PLA2G4C: variants seen among roughly 807,000 people sequenced by gnomAD.
PLA2G4C encodes the protein phospholipase A2 group IVC.
PLA2G4C carries 64 observed loss-of-function variants against 73.8 expected under a neutral mutation model. The ratio of observed to expected loss-of-function variants is 0.87; its 90% CI spans 0.71 to 1.07. The LOEUF is 1.07. PLA2G4C is among the 50% of genes least tolerant of loss of function. The pLI is 0.00. For synonymous variants in PLA2G4C, 254 were observed against 252.1 expected, an observed-to-expected ratio of 1.01 and a Z score of -0.07; for missense variants, 622 against 665.4, an observed-to-expected ratio of 0.93 and a Z score of 0.72.
At chr19:48,109,861 G>T (rs1217165383) in intron 1 of PLA2G4C, among the ~76,000 whole-genome samples, 1 of 151,396 alleles carries the variant, frequency 6.6e-6, no homozygotes, top group Non-Finnish European at 1.5e-5. Flanking sequence ...GTGTTAGCCA[G>T]GATGATCTCG....
At chr19:48,060,564 C>G (rs557636318) in intron 14 of PLA2G4C, among the ~76,000 whole-genome samples, 1 of 152,272 alleles carries the variant, frequency 6.6e-6, no homozygotes, top group Admixed American at 6.5e-5. Context: ...CTCCTGCGAG[C>G]CAGATGATGT....
chr19:48,054,475 T>TA (rs1347824746), intron 15 of PLA2G4C, among the ~76,000 whole-genome samples: 3 of 150,238 alleles, frequency 2.0e-5, no homozygotes, highest in Admixed American at 6.6e-5. Flanking sequence ...AGCAATTTAT[T>TA]TTTTTTTGTT....
chr19:48,103,829 C>T (rs963847953), intron 4 of PLA2G4C, among the ~76,000 whole-genome samples: 20 of 152,204 alleles, frequency 1.3e-4, no homozygotes, highest in African/African-American at 4.8e-4. Context: ...CTTTGTGTAG[C>T]AAAGAAAGAT....
At chr19:48,106,441 C>T (rs2032241427) in intron 2 of PLA2G4C, 81 bp downstream of exon 2, 3 of 1,067,812 alleles carry the variant, frequency 2.8e-6, no homozygotes, top group Non-Finnish European at 4.4e-6. Flanking sequence ...CTGTCACAGC[C>T]CTCACCTCTT....
At chr19:48,055,387 C>T (rs1417168375) in intron 14 of PLA2G4C, among the ~76,000 whole-genome samples, 1 of 96,118 alleles carries the variant, frequency 1.0e-5, no homozygotes, top group African/African-American at 5.0e-5. Flanking sequence ...CTCATCTCTA[C>T]AGTATATATA....
chr19:48,108,475 T>C (rs904693959), intron 1 of PLA2G4C, among the ~76,000 whole-genome samples: 22 of 152,166 alleles, frequency 1.4e-4, no homozygotes, highest in Non-Finnish European at 3.1e-4. Flanking sequence ...TGATATTATT[T>C]ATAGAAGTAG....
intron 12 of PLA2G4C, among the ~76,000 whole-genome samples, chr19:48,069,467 C>A (rs1430039404): frequency 6.6e-6 from 1 of 152,132 alleles, no homozygotes; most frequent in Non-Finnish European, 1.5e-5. Flanking sequence ...CCTGCCTCTT[C>A]CTCACCCTCA....
intron 14 of PLA2G4C, among the ~76,000 whole-genome samples, chr19:48,059,507 A>G (rs1156590208): frequency 6.6e-6 from 1 of 152,128 alleles, no homozygotes; most frequent in African/African-American, 2.4e-5. Context: ...TAGGAGAGGA[A>G]GACTCACCCA....
chr19:48,058,493 G>A (rs1250686977), intron 14 of PLA2G4C, among the ~76,000 whole-genome samples: 6 of 152,130 alleles, frequency 3.9e-5, no homozygotes, highest in Non-Finnish European at 7.3e-5. Context: ...CTGTATTACA[G>A]AGGAATTTAC....
chr19:48,082,292 T>C (rs114820404), intron 10 of PLA2G4C, among the ~76,000 whole-genome samples: 3,095 of 152,008 alleles, frequency 0.02, 106 homozygotes, highest in African/African-American at 0.07. Context: ...GTGTTGATCC[T>C]TATAATTAAA....
intron 13 of PLA2G4C, among the ~76,000 whole-genome samples, 153 bp downstream of exon 13, chr19:48,067,638 C>G (rs1376769844): frequency 6.6e-6 from 1 of 152,158 alleles, no homozygotes; most frequent in African/African-American, 2.4e-5. Flanking sequence ...GCGAAAGTTC[C>G]CCTAATCAGA....
At chr19:48,085,748 G>A (rs544385836) in intron 9 of PLA2G4C, among the ~76,000 whole-genome samples, 8 of 152,274 alleles carry the variant, frequency 5.3e-5, no homozygotes, top group Non-Finnish European at 8.8e-5. Flanking sequence ...GAAGGGCTGC[G>A]AGTCCCCAGG....
At chr19:48,058,995 G>A (rs372386440) in intron 14 of PLA2G4C, among the ~76,000 whole-genome samples, 73 of 152,058 alleles carry the variant, frequency 4.8e-4, no homozygotes, top group African/African-American at 1.6e-3. Context: ...TTTATTGGCC[G>A]GGCGTGGTGG....
chr19:48,070,275 T>C (rs1332747206), intron 12 of PLA2G4C, among the ~76,000 whole-genome samples: 1 of 152,212 alleles, frequency 6.6e-6, no homozygotes, highest in Non-Finnish European at 1.5e-5. Context: ...TGTGAAGGTA[T>C]TTTGTAGATG....
At chr19:48,106,774 G>C in intron 1 of PLA2G4C, 1 of 561,018 alleles carries the variant, frequency 1.8e-6, no homozygotes. Context: ...TTTCAAGCGC[G>C]TCTCTCTGAA....
At position 48,100,870 on chromosome 19, in the gene PLA2G4C, C is replaced by T. The variant is rs556689566; in HGVS notation, c.258-1010G>A. Among the ~76,000 whole-genome samples the T allele has an allele frequency of 1.4e-3, 187 of 131,114 alleles. 5 individuals carry two copies. The South Asian group carries it at 0.045, about 31-fold the overall frequency. 86.0% of individuals were successfully genotyped at this position (131,114 alleles called of 152,430 possible). ...CTGAGCTTGCAGTGAGCCGAGATCG[C>T]GCCACTGCACTCCAGCCTGGGCAAC... On this transcript the variant is annotated intron_variant, in intron 4 of 16. Transcript: ENST00000599921.
chr19:48,105,199 A>G, intron 3 of PLA2G4C, 134 bp downstream of exon 3: 1 of 628,810 alleles, frequency 1.6e-6, no homozygotes, highest in Non-Finnish European at 2.8e-6. Flanking sequence ...ATAGAAGTTC[A>G]TATCCTTCTA....
chr19:48,099,964 T>G, intron 4 of PLA2G4C, 104 bp from the exon 5 acceptor site: 1 of 711,642 alleles, frequency 1.4e-6, no homozygotes, highest in Non-Finnish European at 2.4e-6. Flanking sequence ...ACCTGCCTCA[T>G]GGAGAGGGCG....
At chr19:48,099,131 G>A (rs1183378652) in intron 5 of PLA2G4C, among the ~76,000 whole-genome samples, 1 of 150,750 alleles carries the variant, frequency 6.6e-6, no homozygotes, top group Non-Finnish European at 1.5e-5. Context: ...AGCCAGGCAC[G>A]ATGGTGCATG....
Sources: gnomAD v4.1 joint callset for allele counts (sites outside exome capture counted in the v4.1 genomes callset) on GRCh38, gnomAD v4.1.1 for gene constraint, MANE v1.5 for transcripts, NCBI Gene and HGNC (gene_info 2026-07-23, HGNC 2026-07-21) for gene names.